Variants in FBXO34 observed in about 807,000 individuals in gnomAD.
FBXO34 encodes the protein F-box protein 34.
Under a neutral mutation model 24.5 loss-of-function variants are expected in FBXO34, and 12 were observed. The ratio of observed to expected loss-of-function variants is 0.49; its 90% CI spans 0.31 to 0.79. The LOEUF (loss-of-function observed/expected upper bound fraction) is 0.79, where lower values mean the gene tolerates loss of function less well. FBXO34 is among the 30% of genes least tolerant of loss of function. The pLI is 0.04. For missense variants in FBXO34, 823 were observed against 857.7 expected (o/e 0.96, Z 0.51); for synonymous variants, 320 against 311.9 (o/e 1.03, Z -0.27).
downstream of FBXO34, among the ~76,000 whole-genome samples, chr14:55,363,949 C>CTT (rs201533127): frequency 6.8e-6 from 1 of 147,284 alleles, no homozygotes; most frequent in African/African-American, 2.5e-5. Flanking sequence ...TGCCAATTTT[C>CTT]TTTTTTTTTT....
chr14:55,352,158 C>T lies in FBXO34; in HGVS notation c.1768C>T (p.Leu590Phe). ...CATTATGGTAAAAATCTTCAGGTTA[C>T]TTCCCACCAAGAGTTTAGTGGCCCT... ...HHIMVKIFRL[L>F]PTKSLVALKC... Residue 590 changes from leucine to phenylalanine, a missense_variant, in exon 2 of 2, where the codon CTT (leucine) becomes TTT (phenylalanine). Transcript: ENST00000313833. 6.2e-7 allele frequency: 1 copy of T among 1,614,196 alleles called. No homozygotes were observed.
At chr14:55,425,846 T>C in the FBXO34 span, among the ~76,000 whole-genome samples, 1 of 152,258 alleles carries the variant, frequency 6.6e-6, no homozygotes, top group South Asian at 2.1e-4. Flanking sequence ...TTTTAGACAG[T>C]GATCTCTATG....
chr14:55,396,119 T>C, the FBXO34 span: 5 of 593,144 alleles, frequency 8.4e-6, no homozygotes, highest in East Asian at 3.3e-5. Context: ...GCATTTAAAG[T>C]GTTTTCCAAA....
downstream of FBXO34, among the ~76,000 whole-genome samples, chr14:55,358,575 G>A (rs1884552597): frequency 6.6e-6 from 1 of 152,070 alleles, no homozygotes; most frequent in Non-Finnish European, 1.5e-5. Context: ...GGTTTATAAG[G>A]AGAACAAAGA....
At chr14:55,302,369 A>C (rs776275592) in intron 1 of FBXO34, among the ~76,000 whole-genome samples, 1 of 151,986 alleles carries the variant, frequency 6.6e-6, no homozygotes, top group Non-Finnish European at 1.5e-5. Flanking sequence ...TTGTGTACAA[A>C]GTTTGTATGA....
chr14:55,427,808 A>C, the FBXO34 span, among the ~76,000 whole-genome samples: 1 of 149,702 alleles, frequency 6.7e-6, no homozygotes, highest in Non-Finnish European at 1.5e-5. Context: ...TACAGGCAAC[A>C]TTGTGTTGCG....
At chr14:55,350,320 A>T (rs999075131) in intron 1 of FBXO34, 61 bp from the exon 2 acceptor site, 47 of 1,304,456 alleles carry the variant, frequency 3.6e-5, no homozygotes, top group Non-Finnish European at 4.4e-5. Flanking sequence ...TTAAATTTAA[A>T]AACATTTTTT....
downstream of FBXO34, among the ~76,000 whole-genome samples, chr14:55,364,933 A>C (rs886523288): frequency 6.6e-6 from 1 of 151,462 alleles, no homozygotes; most frequent in African/African-American, 2.4e-5. Context: ...ATGGGGTCTC[A>C]CTGGCTGGGC....
At chr14:55,435,980 TA>T in the FBXO34 span, 43,626 of 844,822 alleles carry the variant, frequency 0.052, 1 homozygote, top group South Asian at 0.059. Context: ...ATATAAAGAG[TA>T]AAAAAAAAAA....
At chr14:55,335,836 T>C (rs935001257) in intron 1 of FBXO34, among the ~76,000 whole-genome samples, 1 of 152,190 alleles carries the variant, frequency 6.6e-6, no homozygotes, top group Non-Finnish European at 1.5e-5. Context: ...ATAATGAAGC[T>C]CTTTAGAGCA....
chr14:55,436,855 T>C, the FBXO34 span: 1 of 1,614,228 alleles, frequency 6.2e-7, no homozygotes, highest in Non-Finnish European at 8.5e-7. Context: ...CTGGGTAACT[T>C]CATCTGGTAG....
chr14:55,343,344 C>T (rs563648564), intron 1 of FBXO34, among the ~76,000 whole-genome samples: 6 of 151,898 alleles, frequency 4.0e-5, no homozygotes, highest in East Asian at 1.9e-4. Context: ...CTCTGCCTCC[C>T]GCATTCAGCA....
In FBXO34 at chr14:55,350,458, A is replaced by G. The variant is rs763287466; in HGVS notation, c.68A>G (p.Gln23Arg). 1 of 1,611,898 alleles carries G rather than the reference A, an allele frequency of 6.2e-7. No homozygotes were observed. Among genetic ancestry groups the G allele is most frequent in the East Asian group, 2.2e-5 (1 of 44,878 alleles). Residue 23 changes from glutamine to arginine, a missense_variant, in exon 2 of 2, where the codon CAG becomes CGG. By Grantham distance (43) the Gln-to-Arg change is conservative (BLOSUM62 1). Coordinates refer to ENST00000313833, the MANE Select transcript of FBXO34 (RefSeq NM_017943.4). ...EHPPEVSRET[Q>R]RTPMNHQKAV... ...CCCCCGGAAGTCAGCAGGGAAACGC[A>G]GAGAACTCCTATGAACCACCAAAAG...
the FBXO34 span, chr14:55,435,865 A>AT: frequency 1.3e-6 from 2 of 1,569,720 alleles, no homozygotes; most frequent in Non-Finnish European, 8.6e-7. Context: ...TATATTCTGC[A>AT]TTTTTTGCAT....
the FBXO34 span, among the ~76,000 whole-genome samples, chr14:55,404,063 C>G: frequency 2.0e-5 from 3 of 152,082 alleles, no homozygotes; most frequent in South Asian, 4.1e-4. Flanking sequence ...TGGAACTGAC[C>G]TTCTGGGAGC....
the FBXO34 span, chr14:55,411,765 G>A: frequency 6.2e-7 from 1 of 1,605,810 alleles, no homozygotes; most frequent in Non-Finnish European, 8.5e-7. Flanking sequence ...GCGAGCGGCC[G>A]GGGCCCGCAG....
chr14:55,345,619 T>G (rs1484746996), intron 1 of FBXO34, among the ~76,000 whole-genome samples: 4 of 152,158 alleles, frequency 2.6e-5, no homozygotes, highest in Non-Finnish European at 5.9e-5. Flanking sequence ...TTGTTGTAAT[T>G]GTTTGCTTTT....
intron 1 of FBXO34, among the ~76,000 whole-genome samples, chr14:55,277,404 T>C (rs1881379581): frequency 6.6e-6 from 1 of 152,236 alleles, no homozygotes; most frequent in Non-Finnish European, 1.5e-5. Context: ...CACTGTAACA[T>C]TGAGCTCCTG....
chr14:55,392,578 G>A, the FBXO34 span, among the ~76,000 whole-genome samples: 1 of 151,316 alleles, frequency 6.6e-6, no homozygotes, highest in African/African-American at 2.4e-5. Context: ...GAGCCCAGGA[G>A]GCAGAGGTTG....
Sources: allele counts gnomAD v4.1 joint callset (sites outside exome capture counted in the v4.1 genomes callset), GRCh38; gene constraint gnomAD v4.1.1; transcripts MANE v1.5; gene names NCBI Gene and HGNC (gene_info 2026-07-23, HGNC 2026-07-21).